MMP27: variants seen among roughly 807,000 people sequenced by gnomAD.
MMP27 encodes the protein matrix metallopeptidase 27, also known as matrix metalloproteinase-27.
A neutral mutation model predicts 48.1 loss-of-function variants in MMP27; 51 were observed. That is an observed-to-expected ratio of 1.06 (90% CI 0.85 to 1.34). MMP27 has a LOEUF of 1.34. MMP27 is among the 40% of genes most tolerant of loss of function. The pLI is 0.00. For missense variants in MMP27, 698 were observed against 619.3 expected, an observed-to-expected ratio of 1.13 and a Z score of -1.35; for synonymous variants, 229 against 208.9, an observed-to-expected ratio of 1.10 and a Z score of -0.83.
chr11:102,703,447 G>C (rs1860984658), intron 2 of MMP27, among the ~76,000 whole-genome samples: 3 of 152,112 alleles, frequency 2.0e-5, no homozygotes, highest in Admixed American at 2.0e-4. Flanking sequence ...GTATTATAAA[G>C]ACATTCTTAA....
At chr11:102,694,589 GAT>G (rs150032812) in intron 7 of MMP27, among the ~76,000 whole-genome samples, 2 of 151,270 alleles carry the variant, frequency 1.3e-5, no homozygotes, top group Non-Finnish European at 1.5e-5. Flanking sequence ...TATTTTAAGG[GAT>G]ATATATATAT....
At chr11:102,700,988 T>C (rs1484608131) in intron 4 of MMP27, among the ~76,000 whole-genome samples, 1 of 152,248 alleles carries the variant, frequency 6.6e-6, no homozygotes, top group Non-Finnish European at 1.5e-5. Flanking sequence ...GGTGATCATA[T>C]AGGTTATTGC....
chr11:102,694,950 G>C lies in MMP27; in HGVS notation c.1033+17C>G, dbSNP rs367930188. On this transcript the variant is annotated intron_variant, in intron 7 of 9. Coordinates refer to ENST00000260229, the MANE Select transcript of MMP27 (RefSeq NM_022122.3). Reference sequence around the variant, plus strand: ...GGCAGCCAGAGGGAGAAGAGGAATCGGGATGGGCCAGGTTACCTTTAAAAA... The same window carrying C: ...GGCAGCCAGAGGGAGAAGAGGAATCCGGATGGGCCAGGTTACCTTTAAAAA... The C allele has an allele frequency of 6.2e-7, 1 of 1,612,902 alleles. No individual in the cohort carries two copies. The highest frequency in any genetic ancestry group is 1.1e-5 in the South Asian group (1 of 91,020).
At chr11:102,696,624 A>G in intron 5 of MMP27, 50 bp downstream of exon 5, 2 of 1,571,274 alleles carry the variant, frequency 1.3e-6, no homozygotes, top group Non-Finnish European at 1.7e-6. Context: ...TTCCTTTCTG[A>G]AAAGCTTCCT....
At chr11:102,692,522 G>T (rs1860744190) in intron 9 of MMP27, among the ~76,000 whole-genome samples, 1 of 152,132 alleles carries the variant, frequency 6.6e-6, no homozygotes, top group Admixed American at 6.5e-5. Context: ...ATTGCCTGAG[G>T]TTCTTTTAAA....
At position 102,705,738 on chromosome 11, in the gene MMP27, C is replaced by CGGTTCTGT. The variant is rs1861037306; in HGVS notation, c.-32_-25dup. 6.6e-7 allele frequency: 1 copy of CGGTTCTGT among 1,522,346 alleles called. No homozygotes were observed. Among genetic ancestry groups the CGGTTCTGT allele is most frequent in the African/African-American group, 1.4e-5 (1 of 72,222 alleles). The allele number at this position is 1,522,346 out of a possible 1,614,324, so 94.3% of individuals were successfully genotyped here. On this transcript the variant is annotated 5_prime_UTR_variant, in exon 1 of 10. Coordinates refer to ENST00000260229, the MANE Select transcript of MMP27 (RefSeq NM_022122.3). Reference sequence around the variant, plus strand: ...ATTCCTCTCTTTCTTCAGCTGAAGCCGGTTCTGTTAGCACAGAATTTAGAA... The same window carrying CGGTTCTGT: ...ATTCCTCTCTTTCTTCAGCTGAAGCCGGTTCTGTGGTTCTGTTAGCACAGAATTTAGAA...
intron 2 of MMP27, 66 bp from the exon 3 acceptor site, chr11:102,703,184 C>T (rs1860979344): frequency 1.5e-5 from 21 of 1,432,564 alleles, no homozygotes; most frequent in South Asian, 1.4e-4. Flanking sequence ...CACATAACTA[C>T]AAAAAACATT....
In MMP27 at chr11:102,703,022, G is replaced by A; in HGVS notation, c.438C>T (p.Phe146=). Reference sequence around the variant, plus strand: ...CTGCAATCCCCTTTGAAATCTTGGTGAATTTTAGTGGAGTGACTTTGCTCC... The same window carrying A: ...CTGCAATCCCCTTTGAAATCTTGGTAAATTTTAGTGGAGTGACTTTGCTCC... The part of the protein sequence containing the change: ...EVWSKVTPLK[F]TKISKGIADI... Residue 146 remains phenylalanine, a synonymous_variant, in exon 3 of 10, where the codon TTC becomes TTT. Transcript: ENST00000260229. 6.2e-7 allele frequency: 1 copy of A among 1,614,176 alleles called. No homozygotes were observed. The highest frequency in any genetic ancestry group is 8.5e-7 in the Non-Finnish European group (1 of 1,180,006).
At position 102,696,756 on chromosome 11, in the gene MMP27, C is replaced by T. The variant is rs1056743988; in HGVS notation, c.699G>A (p.Leu233=). The T allele has an allele frequency of 4.3e-6, 7 of 1,613,594 alleles. No individual in the cohort carries two copies. Among genetic ancestry groups the T allele is most frequent in the Admixed American group, 3.3e-5 (2 of 59,914 alleles). Residue 233 remains leucine (L), a synonymous_variant, in exon 5 of 10, where the codon TTG becomes TTA. Coordinates refer to ENST00000260229, the MANE Select transcript of MMP27 (RefSeq NM_022122.3). ...CCAGGGAGACATAATTTGGGAACAT[C>T]AAGGCTGTTTGATCATTGGAGTGAG... ...GLSHSNDQTA[L]MFPNYVSLDP...
chr11:102,698,723 T>C (rs1426561120), intron 4 of MMP27, among the ~76,000 whole-genome samples: 1 of 152,254 alleles, frequency 6.6e-6, no homozygotes, highest in Non-Finnish European at 1.5e-5. Context: ...AATCTCTATG[T>C]CTTCATACCT....
intron 4 of MMP27, among the ~76,000 whole-genome samples, chr11:102,701,247 T>A (rs1402291301): frequency 1.3e-5 from 2 of 152,098 alleles, no homozygotes; most frequent in Non-Finnish European, 2.9e-5. Flanking sequence ...TGTATTTATC[T>A]CTTGCCTTGC....
At chr11:102,692,547 G>C (rs1458442422) in intron 9 of MMP27, among the ~76,000 whole-genome samples, 1 of 152,114 alleles carries the variant, frequency 6.6e-6, no homozygotes. Context: ...CAGATTCTTA[G>C]GTATCACTCA....
chr11:102,694,962 G>T lies in MMP27; in HGVS notation c.1033+5C>A. On this transcript the variant is annotated splice_donor_5th_base_variant and intron_variant, in intron 7 of 9. Transcript: ENST00000260229. ...GAGAAGAGGAATCGGGATGGGCCAG[G>T]TTACCTTTAAAAACCAGAATCTTAT... 6.2e-7 allele frequency: 1 copy of T among 1,613,772 alleles called. No homozygotes were observed. Among genetic ancestry groups the T allele is most frequent in the Non-Finnish European group, 8.5e-7 (1 of 1,179,810 alleles).
intron 4 of MMP27, among the ~76,000 whole-genome samples, chr11:102,699,676 C>T (rs1860902069): frequency 6.6e-6 from 1 of 152,192 alleles, no homozygotes; most frequent in East Asian, 1.9e-4. Flanking sequence ...CCTTGCCTGG[C>T]TGGCTATATC....
chr11:102,693,459 A>G (rs1860762724), intron 8 of MMP27, among the ~76,000 whole-genome samples: 1 of 152,112 alleles, frequency 6.6e-6, no homozygotes, highest in African/African-American at 2.4e-5. Flanking sequence ...GGCTTGATAA[A>G]TGTCATCCAC....
chr11:102,703,924 C>G (rs936744039), intron 2 of MMP27, among the ~76,000 whole-genome samples: 1 of 152,198 alleles, frequency 6.6e-6, no homozygotes, highest in Non-Finnish European at 1.5e-5. Flanking sequence ...TATCTCAAGT[C>G]CTAGCACTCA....
At position 102,693,905 on chromosome 11, in the gene MMP27, C is replaced by G; in HGVS notation, c.1193+1G>C. ...AAAGTGTCAATTGTCTGTAAACTTA[C>G]CTCCAGCACCAAATGCCCACAAAGA... is the stretch of plus-strand genomic sequence containing the variant. On this transcript the variant is annotated splice_donor_variant, in intron 8 of 9. Transcript: ENST00000260229. LOFTEE classifies it high-confidence loss of function. 1 of 1,589,106 alleles carries G rather than the reference C, an allele frequency of 6.3e-7. No homozygotes were observed. Among genetic ancestry groups the G allele is most frequent in the Non-Finnish European group, 8.5e-7 (1 of 1,169,666 alleles).
At chr11:102,705,404 A>G (rs564884051) in intron 1 of MMP27, among the ~76,000 whole-genome samples, 2 of 152,278 alleles carry the variant, frequency 1.3e-5, no homozygotes, top group African/African-American at 4.8e-5. Flanking sequence ...GCTAAAAGTT[A>G]TAGCAGATCC....
rs752703736 is a variant in MMP27 at position 102,695,187 on chromosome 11, G to T, written c.903-90C>A. ...CTTAGGCTTGCCTTTTAGCTAATTGGTTGGTATCTTCCTCAAATAATTGAG... is the reference window on the plus strand; with the variant it reads ...CTTAGGCTTGCCTTTTAGCTAATTGTTTGGTATCTTCCTCAAATAATTGAG... On this transcript the variant is annotated intron_variant, in intron 6 of 9. Transcript: ENST00000260229. The T allele has an allele frequency of 1.1e-5, 15 of 1,393,108 alleles. No homozygotes were observed. The East Asian group carries it at 2.6e-4, about 24-fold the overall frequency. The allele number at this position is 1,393,108 out of a possible 1,614,324, so 86.3% of individuals were successfully genotyped here.
Sources: allele counts gnomAD v4.1 joint callset (sites outside exome capture counted in the v4.1 genomes callset), GRCh38; gene constraint gnomAD v4.1.1; transcripts MANE v1.5; gene names NCBI Gene and HGNC (gene_info 2026-07-23, HGNC 2026-07-21).